MAML2: variants seen among roughly 807,000 people sequenced by gnomAD.
MAML2 encodes mastermind like transcriptional coactivator 2.
MAML2 carries 22 observed loss-of-function variants against 96.1 expected under a neutral mutation model. The ratio of observed to expected loss-of-function variants is 0.23; its 90% confidence interval spans 0.16 to 0.33. The LOEUF (loss-of-function observed/expected upper bound fraction) is 0.33. MAML2 is among the 10% of genes least tolerant of loss of function. The probability of loss-of-function intolerance (pLI) is 1.00; values close to 1 mark genes in which losing one functional copy is unlikely to be tolerated. For missense variants in MAML2, 1,367 were observed against 1,392.4 expected (o/e 0.98, Z 0.29); for synonymous variants, 561 against 521.3 (o/e 1.08, Z -1.04).
At chr11:96,291,296 T>G (rs1254757960) in intron 1 of MAML2, among the ~76,000 whole-genome samples, 1 of 151,916 alleles carries the variant, frequency 6.6e-6, no homozygotes, top group Non-Finnish European at 1.5e-5. Context: ...CGGCTAATTT[T>G]TGTATTTTTA....
intron 2 of MAML2, among the ~76,000 whole-genome samples, chr11:96,024,973 C>T (rs1390847061): frequency 6.6e-6 from 1 of 152,234 alleles, no homozygotes; most frequent in Admixed American, 6.5e-5. Flanking sequence ...AGTTCAGCCA[C>T]TACGGAAAGC....
At chr11:96,079,774 GA>G (rs1212780033) in intron 2 of MAML2, among the ~76,000 whole-genome samples, 18 of 152,160 alleles carry the variant, frequency 1.2e-4, no homozygotes, top group African/African-American at 3.6e-4. Context: ...AACAAATAGA[GA>G]GACAAAAGGG....
intron 1 of MAML2, among the ~76,000 whole-genome samples, chr11:96,333,236 G>A (rs1434659255): frequency 6.6e-6 from 1 of 151,898 alleles, no homozygotes; most frequent in African/African-American, 2.4e-5. Flanking sequence ...GAATGACTCA[G>A]GAAGCAAGAA....
At chr11:95,993,427 T>G (rs900486668) in intron 2 of MAML2, among the ~76,000 whole-genome samples, 1 of 151,940 alleles carries the variant, frequency 6.6e-6, no homozygotes, top group Non-Finnish European at 1.5e-5. Context: ...ATTAGTTGGG[T>G]GTGGTGGCAC....
intron 1 of MAML2, among the ~76,000 whole-genome samples, chr11:96,325,796 C>T (rs79038632): frequency 0.065 from 9,872 of 152,210 alleles, 515 homozygotes; most frequent in East Asian, 0.29. Flanking sequence ...CTGGAAATGT[C>T]GGAATCAACA....
intron 1 of MAML2, among the ~76,000 whole-genome samples, chr11:96,243,079 G>A (rs1324609357): frequency 6.6e-6 from 1 of 151,622 alleles, no homozygotes; most frequent in South Asian, 2.1e-4. Context: ...CCCCCTCTTT[G>A]TTAAAATAAT....
intron 1 of MAML2, among the ~76,000 whole-genome samples, chr11:96,155,509 A>AATATATATATATATAT (rs56860340): frequency 0.011 from 805 of 74,478 alleles, 51 homozygotes; most frequent in Non-Finnish European, 0.013. Flanking sequence ...TAACAATTCA[A>AATATATATATATATAT]ATATATATAT....
intron 1 of MAML2, among the ~76,000 whole-genome samples, chr11:96,331,851 T>C (rs1475327215): frequency 6.6e-6 from 1 of 151,874 alleles, no homozygotes; most frequent in Admixed American, 6.6e-5. Context: ...ATTTCTTCAT[T>C]TACGAAAAGA....
intron 1 of MAML2, among the ~76,000 whole-genome samples, chr11:96,168,479 T>G (rs1861228071): frequency 6.6e-6 from 1 of 152,204 alleles, no homozygotes; most frequent in South Asian, 2.1e-4. Flanking sequence ...CAGGCTTTAG[T>G]GTGCTTTAAA....
chr11:96,239,596 C>G (rs1018137259), intron 1 of MAML2, among the ~76,000 whole-genome samples: 1 of 151,408 alleles, frequency 6.6e-6, no homozygotes, highest in Non-Finnish European at 1.5e-5. Context: ...ATTCAAAGTA[C>G]AGGCGAATCA....
intron 2 of MAML2, among the ~76,000 whole-genome samples, chr11:96,059,817 A>G (rs907043361): frequency 4.6e-5 from 7 of 152,332 alleles, no homozygotes; most frequent in Middle Eastern, 3.4e-3. Context: ...GGAACTGGTC[A>G]TGGGATAGAC....
intron 1 of MAML2, among the ~76,000 whole-genome samples, chr11:96,130,085 C>T (rs956532170): frequency 2.0e-5 from 3 of 152,206 alleles, no homozygotes; most frequent in African/African-American, 7.2e-5. Flanking sequence ...AAATGTTCCA[C>T]AGCTATGGAG....
intron 4 of MAML2, among the ~76,000 whole-genome samples, chr11:95,980,706 T>A (rs1335128332): frequency 6.6e-6 from 1 of 152,216 alleles, no homozygotes; most frequent in Admixed American, 6.5e-5. Flanking sequence ...CCATTAAACT[T>A]TCTTTTATCT....
chr11:96,130,464 A>G (rs1860527659), intron 1 of MAML2, among the ~76,000 whole-genome samples: 1 of 152,162 alleles, frequency 6.6e-6, no homozygotes, highest in Non-Finnish European at 1.5e-5. Context: ...AAAATGCTCT[A>G]AGCTTGCCAA....
intron 1 of MAML2, among the ~76,000 whole-genome samples, chr11:96,148,171 A>G (rs979838118): frequency 6.6e-6 from 1 of 152,214 alleles, no homozygotes; most frequent in African/African-American, 2.4e-5. Context: ...TGAATAAGTA[A>G]TTATGAAAAA....
chr11:96,135,533 C>A (rs2135860260), intron 1 of MAML2, among the ~76,000 whole-genome samples: 1 of 126,280 alleles, frequency 7.9e-6, no homozygotes, highest in African/African-American at 2.9e-5. Flanking sequence ...GAAGAGAGGT[C>A]CCAATCCAAG....
At chr11:96,324,883 T>G (rs1429605160) in intron 1 of MAML2, among the ~76,000 whole-genome samples, 1 of 152,220 alleles carries the variant, frequency 6.6e-6, no homozygotes, top group Non-Finnish European at 1.5e-5. Flanking sequence ...AATGACCTTG[T>G]AGCCCTCGCT....
chr11:95,979,094 C>G lies in MAML2; in HGVS notation c.3325G>C (p.Asp1109His). The change falls in exon 5 of 5, where the codon GAC becomes CAC. Residue 1109 changes from aspartate (D) to histidine (H), a missense_variant. Physicochemically the swap from Asp to His is moderately conservative, Grantham distance 81 (BLOSUM62 -1). Coordinates refer to ENST00000524717, the MANE Select transcript of MAML2 (RefSeq NM_032427.4). ...TTATCATTTTGTTGGCTGAGGAAGT[C>G]AAAAGCTAAGTCACTGCTGTGGTCA... ...GTDHSSDLAFDFLSQQNDNMG... is the reference protein window; with the variant it reads ...GTDHSSDLAFHFLSQQNDNMG... 6.2e-7 allele frequency: 1 copy of G among 1,613,990 alleles called. No individual in the cohort carries two copies. Among genetic ancestry groups the G allele is most frequent in the Non-Finnish European group, 8.5e-7 (1 of 1,179,902 alleles).
rs186086696 is a variant in MAML2, at chr11:96,116,179, C to T, written c.514-22662G>A. ...AGTGCTTTTTGGTTTCTCTTTATACCGCTATAAGTGTGAATAATGCAATTC... is the reference window on the plus strand; with the variant it reads ...AGTGCTTTTTGGTTTCTCTTTATACTGCTATAAGTGTGAATAATGCAATTC... On this transcript the variant is annotated intron_variant, in intron 1 of 4. Transcript: ENST00000524717. Among the ~76,000 whole-genome samples, 235 of 152,228 alleles carry T rather than the reference C, an allele frequency of 1.5e-3. 1 individual carries two copies. The highest frequency in any genetic ancestry group is 5.4e-3 in the Admixed American group (83 of 15,296).
Sources: gnomAD v4.1 joint callset for allele counts (sites outside exome capture counted in the v4.1 genomes callset) on GRCh38, gnomAD v4.1.1 for gene constraint, MANE v1.5 for transcripts, NCBI Gene and HGNC (gene_info 2026-07-23, HGNC 2026-07-21) for gene names.